LNPEP: variants seen among roughly 807,000 people sequenced by gnomAD.
LNPEP encodes leucyl-cystinyl aminopeptidase.
In LNPEP, 64 loss-of-function variants were observed where a neutral mutation model predicts 120.6. That is an observed-to-expected ratio of 0.53 (90% confidence interval 0.43 to 0.65). The LOEUF is 0.65. Among genes scored for constraint, LNPEP ranks in the 30% least tolerant of loss-of-function variants. LNPEP has a pLI of 0.00. For missense variants in LNPEP, 1,057 were observed against 1,200.0 expected, an observed-to-expected ratio of 0.88 and a Z score of 1.76; for synonymous variants, 435 against 425.4, an observed-to-expected ratio of 1.02 and a Z score of -0.28.
Position 97,026,690 on chromosome 5 carries a change from C to G in LNPEP, c.2797C>G (p.Arg933Gly). 1 of 1,612,468 alleles carries G rather than the reference C, an allele frequency of 6.2e-7. No individual in the cohort carries two copies. The highest frequency in any genetic ancestry group is 8.5e-7 in the Non-Finnish European group (1 of 1,178,604). ...GTCTTTTATCATTAGAACAGTGGGT[C>G]GACATTTTCCTGGACACTTACTGGC... ...KLSFIIRTVG[R>G]HFPGHLLAWD... The change falls in exon 16 of 18, where the codon CGA (arginine) becomes GGA (glycine). Residue 933 changes from arginine to glycine, a missense_variant. Arg to Gly is a moderately radical substitution (Grantham distance 125). Coordinates refer to ENST00000231368, the MANE Select transcript of LNPEP (RefSeq NM_005575.3).
intron 15 of LNPEP, 83 bp downstream of exon 15, chr5:97,024,765 G>A: frequency 7.7e-7 from 1 of 1,296,928 alleles, no homozygotes; most frequent in Admixed American, 2.0e-5. Flanking sequence ...CATTTTTGAG[G>A]GGATCTCTTT....
At chr5:96,949,231 T>C (rs1789264997) in intron 1 of LNPEP, among the ~76,000 whole-genome samples, 1 of 152,228 alleles carries the variant, frequency 6.6e-6, no homozygotes, top group Non-Finnish European at 1.5e-5. Context: ...GGTCCCCAAT[T>C]TGCATGTCAA....
At chr5:97,001,862 G>A (rs115318332) in intron 8 of LNPEP, among the ~76,000 whole-genome samples, 8 of 152,270 alleles carry the variant, frequency 5.3e-5, no homozygotes, top group South Asian at 4.1e-4. Context: ...ACTTCCGGCC[G>A]GGCATGGTAG....
At chr5:96,996,317 A>G (rs1790514553) in intron 6 of LNPEP, 73 bp from the exon 7 acceptor site, 3 of 808,860 alleles carry the variant, frequency 3.7e-6, no homozygotes, top group Non-Finnish European at 6.6e-6. Flanking sequence ...TTAATATGAC[A>G]CTTCAGCCAA....
intron 1 of LNPEP, among the ~76,000 whole-genome samples, chr5:96,973,317 T>C (rs1480101265): frequency 6.6e-6 from 1 of 152,146 alleles, no homozygotes; most frequent in East Asian, 1.9e-4. Flanking sequence ...AGTGTTTTTC[T>C]TTCTTTTTAA....
intron 8 of LNPEP, among the ~76,000 whole-genome samples, chr5:96,999,658 A>G (rs1790599349): frequency 6.6e-6 from 1 of 152,112 alleles, no homozygotes; most frequent in Admixed American, 6.6e-5. Context: ...TTATATAATA[A>G]CAGAACAGAG....
At position 97,029,976 on chromosome 5, in the gene LNPEP, C is replaced by A. The variant is rs1398970473; in HGVS notation, c.*1443C>A. 1 of 151,966 alleles carries A rather than the reference C, an allele frequency of 6.6e-6. No homozygotes were observed. The highest frequency in any genetic ancestry group is 1.9e-4 in the East Asian group (1 of 5,194). The allele number at this position is 151,966 out of a possible 1,614,324, so 9.4% of individuals were successfully genotyped here. A position where few individuals can be genotyped will look rare whatever the true frequency, so the allele number is the denominator to read the frequency against. On this transcript the variant is annotated 3_prime_UTR_variant, in exon 18 of 18. Transcript: ENST00000231368. Reference sequence around the variant, plus strand: ...TTTATATTTTGTTTGAAAACAGTTTCTATGTACATAAAAAGGGTATTTACC... The same window carrying A: ...TTTATATTTTGTTTGAAAACAGTTTATATGTACATAAAAAGGGTATTTACC...
chr5:97,027,853 C>A, intron 17 of LNPEP, 39 bp downstream of exon 17: 2 of 1,180,370 alleles, frequency 1.7e-6, no homozygotes, highest in Non-Finnish European at 2.5e-6. Flanking sequence ...ACTGGGCAAC[C>A]CTCCGCACAC....
intron 13 of LNPEP, among the ~76,000 whole-genome samples, chr5:97,020,213 A>C (rs1254734696): frequency 6.6e-6 from 1 of 152,130 alleles, no homozygotes; most frequent in African/African-American, 2.4e-5. Context: ...AAAATTTCCA[A>C]ATAGGATTCA....
intron 9 of LNPEP, among the ~76,000 whole-genome samples, chr5:97,005,375 A>G (rs1790755080): frequency 6.6e-6 from 1 of 152,152 alleles, no homozygotes. Flanking sequence ...TAGATGTCTT[A>G]GGGGCTTTGG....
At chr5:96,980,671 T>G (rs1790100764) in intron 2 of LNPEP, among the ~76,000 whole-genome samples, 1 of 152,322 alleles carries the variant, frequency 6.6e-6, no homozygotes. Context: ...GAGGTTATTC[T>G]TAAGTAGCAG....
chr5:96,943,220 G>GT, intron 1 of LNPEP: 1 of 205,350 alleles, frequency 4.9e-6, no homozygotes, highest in Non-Finnish European at 9.1e-6. Context: ...ATTACCAGTT[G>GT]TTTAAAAAAA....
intron 3 of LNPEP, among the ~76,000 whole-genome samples, chr5:96,986,183 T>C (rs38032): frequency 0.37 from 57,001 of 152,024 alleles, 10,858 homozygotes; most frequent in Non-Finnish European, 0.42. Context: ...GTGGATGTAT[T>C]TGTAGCAGTA....
chr5:97,017,756 T>C (rs1010255633), intron 13 of LNPEP, among the ~76,000 whole-genome samples: 2 of 152,126 alleles, frequency 1.3e-5, no homozygotes, highest in African/African-American at 4.8e-5. Context: ...TTAAAACAAG[T>C]TATTGCAAAC....
rs1190812154 is a variant in LNPEP at position 96,979,436 on chromosome 5, C to T, written c.318C>T (p.Pro106=). 6.2e-7 allele frequency: 1 copy of T among 1,614,044 alleles called. No individual in the cohort carries two copies. Among genetic ancestry groups the T allele is most frequent in the Admixed American group, 1.7e-5 (1 of 60,000 alleles). The change falls in exon 2 of 18, where the codon CCC becomes CCT. Residue 106 remains proline (P), a synonymous_variant. Coordinates refer to ENST00000231368, the MANE Select transcript of LNPEP (RefSeq NM_005575.3). ...RQSPDGACSV[P]SARTMVVCAF... ...GCCCAGATGGGGCTTGTTCAGTACCCTCTGCAAGGACCATGGTGGTCTGTG... is the reference window on the plus strand; with the variant it reads ...GCCCAGATGGGGCTTGTTCAGTACCTTCTGCAAGGACCATGGTGGTCTGTG...
chr5:96,968,049 G>A lies in LNPEP; in HGVS notation c.20-11089G>A, dbSNP rs543517166. Among the ~76,000 whole-genome samples the A allele has an allele frequency of 7.9e-5, 12 of 152,122 alleles. No homozygotes were observed. In the South Asian group the frequency reaches 8.3e-4, roughly 11 times the overall value. On this transcript the variant is annotated intron_variant, in intron 1 of 17. Transcript: ENST00000231368. ...AAGTTACCAGGATTGAAATGTATCCGTTATTCTAGAAAAGTAAATGTAGAG... is the reference window on the plus strand; with the variant it reads ...AAGTTACCAGGATTGAAATGTATCCATTATTCTAGAAAAGTAAATGTAGAG...
chr5:96,989,585 A>T (rs2112622590), intron 4 of LNPEP, among the ~76,000 whole-genome samples: 1 of 151,516 alleles, frequency 6.6e-6, no homozygotes, highest in Non-Finnish European at 1.5e-5. Context: ...ATCTGTCAAG[A>T]AAAGTTTCAG....
At chr5:96,978,705 G>A (rs1401495041) in intron 1 of LNPEP, among the ~76,000 whole-genome samples, 1 of 152,140 alleles carries the variant, frequency 6.6e-6, no homozygotes, top group Non-Finnish European at 1.5e-5. Flanking sequence ...AACCCTAGAA[G>A]GGGAACCGTG....
Position 96,985,063 on chromosome 5 carries a change from AT to A in LNPEP, c.861-14del, listed in dbSNP as rs1449936906. The stretch of plus-strand genomic sequence containing the variant: ...AGGTGCTCAGTAACTACTGGATTGA[AT>A]TTGTGTTTGTTTTAGGTACTTTGCA... On this transcript the variant is annotated splice_polypyrimidine_tract_variant and intron_variant, in intron 2 of 17. Transcript: ENST00000231368. 1.9e-6 allele frequency: 3 copies of A among 1,613,516 alleles called. No homozygotes were observed. Among genetic ancestry groups the A allele is most frequent in the Non-Finnish European group, 2.5e-6 (3 of 1,179,616 alleles).
Sources: gnomAD v4.1 joint callset for allele counts (sites outside exome capture counted in the v4.1 genomes callset) on GRCh38, gnomAD v4.1.1 for gene constraint, MANE v1.5 for transcripts, NCBI Gene and HGNC (gene_info 2026-07-23, HGNC 2026-07-21) for gene names.